The following PPP2R3A variants were observed in gnomAD, a reference collection of about 807,000 sequenced individuals.
PPP2R3A encodes the protein serine/threonine-protein phosphatase 2A regulatory subunit B'' subunit alpha.
A neutral mutation model predicts 106.9 loss-of-function variants in PPP2R3A; 80 were observed. The observed-to-expected ratio is 0.75, with a 90% CI of 0.62 to 0.90. The LOEUF is 0.90. Ranked by LOEUF, PPP2R3A falls within the 40% of genes least tolerant of loss-of-function variation. The pLI is 0.00. For missense variants in PPP2R3A, 1,386 were observed against 1,350.4 expected (o/e 1.03, Z -0.41); for synonymous variants, 483 against 468.3 (o/e 1.03, Z -0.41).
intron 1 of PPP2R3A, among the ~76,000 whole-genome samples, chr3:135,966,569 G>A (rs1262474091): frequency 6.6e-6 from 1 of 152,144 alleles, no homozygotes; most frequent in Non-Finnish European, 1.5e-5. Context: ...GGCCGGGCTT[G>A]GAGTTGATGT....
chr3:136,072,040 C>G (rs1936448018), intron 6 of PPP2R3A, among the ~76,000 whole-genome samples: 1 of 152,008 alleles, frequency 6.6e-6, no homozygotes, highest in Non-Finnish European at 1.5e-5. Flanking sequence ...CTTTGTCCTG[C>G]TTCATTTTTC....
At chr3:135,997,209 T>C (rs1933436674) in intron 1 of PPP2R3A, among the ~76,000 whole-genome samples, 1 of 152,224 alleles carries the variant, frequency 6.6e-6, no homozygotes, top group African/African-American at 2.4e-5. Context: ...ACCACTTTTT[T>C]TGACACCAAG....
chr3:136,120,404 A>C (rs1937949659), intron 13 of PPP2R3A, among the ~76,000 whole-genome samples: 1 of 152,124 alleles, frequency 6.6e-6, no homozygotes, highest in Non-Finnish European at 1.5e-5. Flanking sequence ...CCTGAACAAC[A>C]TGGTGAAACC....
At chr3:136,017,618 C>A (rs1934321539) in intron 2 of PPP2R3A, among the ~76,000 whole-genome samples, 1 of 152,216 alleles carries the variant, frequency 6.6e-6, no homozygotes, top group Non-Finnish European at 1.5e-5. Context: ...GAAGCACCCT[C>A]ATGATATACC....
chr3:136,104,089 T>G (rs911467275), intron 12 of PPP2R3A, among the ~76,000 whole-genome samples: 4 of 152,190 alleles, frequency 2.6e-5, no homozygotes, highest in African/African-American at 9.7e-5. Context: ...TTGCATTCTT[T>G]TTTCTTCTGC....
intron 13 of PPP2R3A, among the ~76,000 whole-genome samples, chr3:136,123,289 T>C (rs755363715): frequency 6.6e-6 from 1 of 152,128 alleles, no homozygotes; most frequent in Non-Finnish European, 1.5e-5. Context: ...AGAAAAATTA[T>C]GCATAGCAAT....
At chr3:136,010,205 A>G (rs1934000154) in intron 2 of PPP2R3A, among the ~76,000 whole-genome samples, 2 of 145,858 alleles carry the variant, frequency 1.4e-5, no homozygotes, top group Admixed American at 6.7e-5. Context: ...TTCTATTTCT[A>G]TTATTTCTAT....
intron 5 of PPP2R3A, among the ~76,000 whole-genome samples, chr3:136,050,042 G>T (rs1348832798): frequency 1.3e-5 from 2 of 152,174 alleles, no homozygotes; most frequent in East Asian, 3.9e-4. Flanking sequence ...ATGTACTCTA[G>T]TGTGGGAGTA....
intron 1 of PPP2R3A, among the ~76,000 whole-genome samples, chr3:135,981,128 G>A (rs1010581424): frequency 5.3e-5 from 8 of 151,884 alleles, no homozygotes; most frequent in Non-Finnish European, 1.0e-4. Flanking sequence ...ATGGTGATGT[G>A]GGTCCACCTT....
At chr3:135,996,537 A>G (rs1933405697) in intron 1 of PPP2R3A, among the ~76,000 whole-genome samples, 2 of 152,236 alleles carry the variant, frequency 1.3e-5, no homozygotes, top group South Asian at 2.1e-4. Context: ...TTATTGCACA[A>G]ACAGATGTCA....
At chr3:136,033,638 T>G (rs1237229171) in intron 3 of PPP2R3A, among the ~76,000 whole-genome samples, 1 of 152,236 alleles carries the variant, frequency 6.6e-6, no homozygotes, top group Non-Finnish European at 1.5e-5. Context: ...CAGGAATTTA[T>G]TCATCTCTTC....
chr3:136,049,271 C>CCAT lies in PPP2R3A; in HGVS notation c.2383_2385dup (p.His795dup). The CCAT allele has an allele frequency of 6.2e-7, 1 of 1,612,112 alleles. No homozygotes were observed. The highest frequency in any genetic ancestry group is 8.5e-7 in the Non-Finnish European group (1 of 1,178,762). ...GTTTCTTTTATAGGTTGCTGAATAACCATCATGATGATGCCTCTAAATTCA... is the reference window on the plus strand; with the variant it reads ...GTTTCTTTTATAGGTTGCTGAATAACCATCATCATGATGATGCCTCTAAATTCA... On this transcript the variant is annotated inframe_insertion, in exon 5 of 14. Transcript: ENST00000264977.
chr3:136,132,972 C>T (rs761132841), intron 13 of PPP2R3A, among the ~76,000 whole-genome samples: 4 of 151,976 alleles, frequency 2.6e-5, no homozygotes, highest in Non-Finnish European at 4.4e-5. Context: ...AAAAATGATG[C>T]TAAAATAATT....
intron 1 of PPP2R3A, among the ~76,000 whole-genome samples, chr3:135,985,329 TTCTC>T (rs145190722): frequency 0.034 from 4,366 of 128,608 alleles, 90 homozygotes; most frequent in Non-Finnish European, 0.049. Flanking sequence ...CCCTTTCCCT[TTCTC>T]TCTCTCTCTC....
chr3:136,023,729 G>A (rs1934548784), intron 2 of PPP2R3A, among the ~76,000 whole-genome samples: 1 of 152,060 alleles, frequency 6.6e-6, no homozygotes, highest in Non-Finnish European at 1.5e-5. Context: ...GTGTCGTAAT[G>A]TATGTAGATA....
chr3:136,079,544 G>A (rs992721358), intron 7 of PPP2R3A, among the ~76,000 whole-genome samples: 1 of 151,824 alleles, frequency 6.6e-6, no homozygotes, highest in East Asian at 1.9e-4. Flanking sequence ...GAGTAGCTGG[G>A]ACTACAGGCG....
intron 4 of PPP2R3A, among the ~76,000 whole-genome samples, chr3:136,041,246 T>TC (rs1935264366): frequency 1.5e-5 from 1 of 67,642 alleles, no homozygotes; most frequent in Non-Finnish European, 3.5e-5. Flanking sequence ...TTGTTTTTTT[T>TC]TTTGTTTTTT....
At chr3:136,055,989 C>T (rs1415441314) in intron 5 of PPP2R3A, among the ~76,000 whole-genome samples, 1 of 152,114 alleles carries the variant, frequency 6.6e-6, no homozygotes, top group East Asian at 1.9e-4. Flanking sequence ...TGATCAAGGC[C>T]AACATCAGCA....
chr3:136,069,145 G>A (rs538921499), intron 5 of PPP2R3A, among the ~76,000 whole-genome samples: 68 of 152,294 alleles, frequency 4.5e-4, no homozygotes, highest in African/African-American at 1.1e-3. Flanking sequence ...GATTTGAGTA[G>A]TTTCATATCT....
Sources: gnomAD v4.1 joint callset for allele counts (sites outside exome capture counted in the v4.1 genomes callset) on GRCh38, gnomAD v4.1.1 for gene constraint, MANE v1.5 for transcripts, NCBI Gene and HGNC (gene_info 2026-07-23, HGNC 2026-07-21) for gene names.